The following CHST9 variants were observed in gnomAD, a reference collection of about 807,000 sequenced individuals.
The protein encoded by CHST9 is GalNAc-4-sulfotransferase 2.
In CHST9, 41 loss-of-function variants were observed where a neutral mutation model predicts 44.4. The observed-to-expected ratio is 0.92, with a 90% CI of 0.72 to 1.20. CHST9 has a LOEUF of 1.20. CHST9 is among the 50% of genes most tolerant of loss of function. The probability of loss-of-function intolerance (pLI) is 0.00; values close to 1 mark genes in which losing one functional copy is unlikely to be tolerated. For synonymous variants in CHST9, 171 were observed against 178.4 expected (o/e 0.96, Z 0.33); for missense variants, 504 against 516.5 (o/e 0.98, Z 0.23).
At chr18:27,184,661 G>C (rs1008714261) in intron 1 of CHST9, among the ~76,000 whole-genome samples, 1 of 152,136 alleles carries the variant, frequency 6.6e-6, no homozygotes, top group African/African-American at 2.4e-5. Flanking sequence ...CCGCAGCAGA[G>C]ATGCTCGTCT....
chr18:27,037,708 A>G (rs2057403859), intron 3 of CHST9, among the ~76,000 whole-genome samples: 1 of 152,162 alleles, frequency 6.6e-6, no homozygotes, highest in African/African-American at 2.4e-5. Context: ...TCAAAAGCAA[A>G]ACAAAAGAAA....
intron 5 of CHST9, among the ~76,000 whole-genome samples, chr18:26,943,533 G>A (rs960963816): frequency 1.3e-5 from 2 of 152,188 alleles, no homozygotes; most frequent in African/African-American, 4.8e-5. Context: ...AAGGAAAAAA[G>A]AAGGAAGATA....
intron 4 of CHST9, among the ~76,000 whole-genome samples, chr18:26,991,181 C>G (rs553089336): frequency 1.3e-5 from 2 of 152,230 alleles, no homozygotes; most frequent in Non-Finnish European, 2.9e-5. Context: ...TGGCATATTC[C>G]AAACAAGAGA....
At chr18:27,032,881 T>G (rs2057355496) in intron 3 of CHST9, among the ~76,000 whole-genome samples, 1 of 152,214 alleles carries the variant, frequency 6.6e-6, no homozygotes, top group South Asian at 2.1e-4. Context: ...AACGAGAGCC[T>G]GCACTCTTAC....
chr18:26,984,939 A>C (rs972070550), intron 4 of CHST9, among the ~76,000 whole-genome samples: 5 of 152,152 alleles, frequency 3.3e-5, no homozygotes, highest in African/African-American at 9.7e-5. Flanking sequence ...ACTCTTCAGC[A>C]ATCAGTATCA....
chr18:27,085,619 A>G (rs1047883892), intron 2 of CHST9, among the ~76,000 whole-genome samples: 3 of 152,102 alleles, frequency 2.0e-5, no homozygotes, highest in Non-Finnish European at 2.9e-5. Context: ...TCTAAAAACA[A>G]CAGATGTTGG....
intron 4 of CHST9, among the ~76,000 whole-genome samples, chr18:26,965,911 C>CA (rs1016374232): frequency 2.6e-5 from 4 of 151,978 alleles, no homozygotes; most frequent in African/African-American, 7.3e-5. Context: ...ATTGAGGAAA[C>CA]AAAAAAACCC....
chr18:26,955,017 G>T (rs148445573), intron 4 of CHST9, among the ~76,000 whole-genome samples: 1 of 152,048 alleles, frequency 6.6e-6, no homozygotes, highest in Non-Finnish European at 1.5e-5. Flanking sequence ...GAGGGCAGCT[G>T]CTCCTGGCCC....
chr18:26,943,302 G>A (rs1480156632), intron 5 of CHST9, among the ~76,000 whole-genome samples: 2 of 152,158 alleles, frequency 1.3e-5, no homozygotes, highest in Non-Finnish European at 2.9e-5. Context: ...TAGTATATTA[G>A]CCAAATGGGT....
At chr18:27,134,244 T>C (rs2058495590) in intron 2 of CHST9, among the ~76,000 whole-genome samples, 1 of 151,758 alleles carries the variant, frequency 6.6e-6, no homozygotes. Flanking sequence ...ATGCCAAAAA[T>C]ATGCTTCAAT....
chr18:27,107,806 G>C (rs1377029040), intron 2 of CHST9, among the ~76,000 whole-genome samples: 3 of 152,170 alleles, frequency 2.0e-5, no homozygotes, highest in East Asian at 3.8e-4. Flanking sequence ...TAATCTAATG[G>C]AATGTGTTTC....
intron 1 of CHST9, among the ~76,000 whole-genome samples, chr18:27,175,687 A>G (rs965874615): frequency 4.6e-5 from 7 of 152,058 alleles, no homozygotes; most frequent in African/African-American, 1.2e-4. Context: ...GCACATGTGT[A>G]TAACTTTGTA....
intron 3 of CHST9, among the ~76,000 whole-genome samples, chr18:27,033,179 A>T (rs1372889063): frequency 6.6e-6 from 1 of 152,192 alleles, no homozygotes; most frequent in Non-Finnish European, 1.5e-5. Context: ...AGTGTTCACT[A>T]ATCTTGGAGT....
At chr18:27,008,312 T>C (rs1309421661) in intron 4 of CHST9, among the ~76,000 whole-genome samples, 1 of 152,176 alleles carries the variant, frequency 6.6e-6, no homozygotes, top group Admixed American at 6.5e-5. Context: ...AGGGGAGATA[T>C]GGAATGGTTA....
At chr18:26,917,394 G>C in intron 5 of CHST9, 44 bp from the exon 6 acceptor site, 1 of 1,578,252 alleles carries the variant, frequency 6.3e-7, no homozygotes. Flanking sequence ...ACAGTCACGA[G>C]TGTGGGTATA....
At chr18:27,091,321 C>T (rs1206883756) in intron 2 of CHST9, among the ~76,000 whole-genome samples, 1 of 152,100 alleles carries the variant, frequency 6.6e-6, no homozygotes, top group Admixed American at 6.6e-5. Flanking sequence ...GCTGAAGTTG[C>T]TTATCAGCTT....
intron 4 of CHST9, 124 bp downstream of exon 4, chr18:27,023,992 G>A: frequency 1.1e-6 from 1 of 917,596 alleles, no homozygotes; most frequent in Non-Finnish European, 1.7e-6. Context: ...GTGCTTCCTA[G>A]GGATGGCTAT....
intron 1 of CHST9, among the ~76,000 whole-genome samples, chr18:27,179,078 G>GTCTC (rs34391433): frequency 6.7e-6 from 1 of 150,022 alleles, no homozygotes; most frequent in Admixed American, 6.7e-5. Context: ...GTGTGATAAT[G>GTCTC]TCTCTCTCTC....
At chr18:26,969,366 C>CTGTG (rs1247934551) in intron 4 of CHST9, among the ~76,000 whole-genome samples, 21 of 99,404 alleles carry the variant, frequency 2.1e-4, no homozygotes, top group African/African-American at 1.4e-3. Context: ...TTGATTCTCT[C>CTGTG]TCTCTCTCTC....
Sources: gnomAD v4.1 joint callset for allele counts (sites outside exome capture counted in the v4.1 genomes callset) on GRCh38, gnomAD v4.1.1 for gene constraint, MANE v1.5 for transcripts, NCBI Gene and HGNC (gene_info 2026-07-23, HGNC 2026-07-21) for gene names.